The following ANK2 variants were observed in gnomAD, a reference collection of about 807,000 sequenced individuals.
ANK2 encodes the protein ankyrin-2.
ANK2 carries 83 observed loss-of-function variants against 360.5 expected under a neutral mutation model. The ratio of observed to expected loss-of-function variants is 0.23; its 90% confidence interval spans 0.19 to 0.28. The LOEUF (loss-of-function observed/expected upper bound fraction) is 0.28. Among genes scored for constraint, ANK2 ranks in the 10% least tolerant of loss-of-function variants. The probability of loss-of-function intolerance (pLI) is 1.00; values close to 1 mark genes in which losing one functional copy is unlikely to be tolerated. For synonymous variants in ANK2, 1,740 were observed against 1,759.5 expected (o/e 0.99, Z 0.28); for missense variants, 4,201 against 4,795.7 (o/e 0.88, Z 3.66).
chr4:113,247,570 C>T (rs1269011609), intron 9 of ANK2, among the ~76,000 whole-genome samples: 3 of 152,194 alleles, frequency 2.0e-5, no homozygotes, highest in Admixed American at 2.0e-4. Flanking sequence ...ATGCAATTTG[C>T]AGAAAGCAAT....
intron 2 of ANK2, among the ~76,000 whole-genome samples, chr4:112,958,000 G>C (rs1380335901): frequency 2.7e-5 from 4 of 150,594 alleles, no homozygotes; most frequent in African/African-American, 9.8e-5. Context: ...GACGATGGGC[G>C]GCGGGGCAGA....
At chr4:113,124,334 G>A (rs1424590546) in intron 1 of ANK2, among the ~76,000 whole-genome samples, 1 of 152,116 alleles carries the variant, frequency 6.6e-6, no homozygotes, top group African/African-American at 2.4e-5. Context: ...ACTTGACTTT[G>A]ATAGATCTTT....
chr4:112,813,379 A>G (rs2055439671), upstream of ANK2, among the ~76,000 whole-genome samples: 1 of 152,156 alleles, frequency 6.6e-6, no homozygotes, highest in Non-Finnish European at 1.5e-5. Context: ...CAAACAATGA[A>G]GCTCAACAGA....
At chr4:113,221,826 T>C (rs1448538421) in intron 4 of ANK2, among the ~76,000 whole-genome samples, 1 of 152,222 alleles carries the variant, frequency 6.6e-6, no homozygotes, top group Admixed American at 6.5e-5. Flanking sequence ...GCTTTCTTGG[T>C]AATTTATCCA....
chr4:113,009,114 T>C (rs898583432), intron 2 of ANK2, among the ~76,000 whole-genome samples: 2 of 152,222 alleles, frequency 1.3e-5, no homozygotes, highest in African/African-American at 4.8e-5. Context: ...ATTATAAACA[T>C]GCAGACAAAG....
chr4:113,281,291 A>T (rs1254336957), intron 17 of ANK2, among the ~76,000 whole-genome samples: 1 of 152,118 alleles, frequency 6.6e-6, no homozygotes, highest in Non-Finnish European at 1.5e-5. Context: ...TAATCCCAGC[A>T]CTTTAGGGGG....
chr4:113,000,533 C>T (rs7656714), intron 2 of ANK2, among the ~76,000 whole-genome samples: 53,722 of 151,950 alleles, frequency 0.35, 9,931 homozygotes, highest in East Asian at 0.52. Flanking sequence ...CCAGTGTTTC[C>T]CCCATTTTAC....
chr4:112,761,929 C>T, the ANK2 span, among the ~76,000 whole-genome samples: 1 of 152,246 alleles, frequency 6.6e-6, no homozygotes, highest in African/African-American at 2.4e-5. Flanking sequence ...CATCTAACTG[C>T]ATTGGCTACA....
chr4:113,072,827 A>G lies in ANK2; in HGVS notation c.84+23015A>G, dbSNP rs192280779. On this transcript the variant is annotated intron_variant, in intron 1 of 45. Coordinates refer to ENST00000357077, the MANE Select transcript of ANK2 (RefSeq NM_001148.6). ...GTGTTTAGATTGTTTATTGGGTGCT[A>G]TAATTATAGATATTTGAATATTAGA... Among the ~76,000 whole-genome samples, 11 of 137,654 alleles carry G rather than the reference A, an allele frequency of 8.0e-5. No homozygotes were observed. In the East Asian group the frequency reaches 1.9e-3, roughly 24 times the overall value. The allele number at this position is 137,654 out of a possible 152,430, so 90.3% of individuals were successfully genotyped here.
At chr4:112,882,134 A>G (rs1327738132) in intron 1 of ANK2, 1 of 261,566 alleles carries the variant, frequency 3.8e-6, no homozygotes, top group Non-Finnish European at 7.4e-6. Context: ...TCTTTAGGAC[A>G]GGACGGCCCT....
the ANK2 span, among the ~76,000 whole-genome samples, chr4:112,792,491 G>A: frequency 1.4e-3 from 218 of 152,228 alleles, 1 homozygote; most frequent in African/African-American, 5.1e-3. Flanking sequence ...CATGGAATTT[G>A]AATCCTTTTA....
At chr4:113,001,258 G>A (rs1047177980) in intron 2 of ANK2, among the ~76,000 whole-genome samples, 1 of 149,988 alleles carries the variant, frequency 6.7e-6, no homozygotes, top group African/African-American at 2.5e-5. Context: ...TTGAACCTGG[G>A]AGGCGGAGGT....
chr4:113,130,341 C>T (rs1393271543), intron 1 of ANK2, among the ~76,000 whole-genome samples: 1 of 151,928 alleles, frequency 6.6e-6, no homozygotes, highest in African/African-American at 2.4e-5. Context: ...TTTTCTTTGT[C>T]TTTAATATTG....
At chr4:113,316,617 C>A (rs1045764777) in intron 24 of ANK2, among the ~76,000 whole-genome samples, 1 of 152,172 alleles carries the variant, frequency 6.6e-6, no homozygotes, top group South Asian at 2.1e-4. Flanking sequence ...TGAAAGCTTG[C>A]GTATCTCCTT....
chr4:112,841,153 G>T (rs1455140651), intron 1 of ANK2, among the ~76,000 whole-genome samples: 1 of 104,528 alleles, frequency 9.6e-6, no homozygotes. Flanking sequence ...CTTTACAGCA[G>T]ATCTGGTCCT....
At chr4:112,957,915 C>T (rs543652162) in intron 2 of ANK2, among the ~76,000 whole-genome samples, 89 of 151,618 alleles carry the variant, frequency 5.9e-4, no homozygotes, top group African/African-American at 1.9e-3. Context: ...ACCTCCCAGA[C>T]GGGGTCGCGG....
chr4:112,907,355 TTTAGTTCAGGTAC>T (rs2085581779), intron 2 of ANK2, among the ~76,000 whole-genome samples: 1 of 152,226 alleles, frequency 6.6e-6, no homozygotes, highest in Non-Finnish European at 1.5e-5. Flanking sequence ...GAAGGGATCT[TTTAGTTCAGGTAC>T]TTAAATTTTT....
At chr4:112,790,032 A>G in the ANK2 span, among the ~76,000 whole-genome samples, 1 of 152,178 alleles carries the variant, frequency 6.6e-6, no homozygotes, top group Non-Finnish European at 1.5e-5. Flanking sequence ...TTTTGGAAGC[A>G]GCATTAGAGA....
chr4:113,254,417 G>A (rs1028029800), intron 10 of ANK2, among the ~76,000 whole-genome samples: 2 of 152,034 alleles, frequency 1.3e-5, no homozygotes, highest in South Asian at 2.1e-4. Context: ...TATTTTCCAC[G>A]TAAATAACCT....
Sources: allele counts gnomAD v4.1 joint callset (sites outside exome capture counted in the v4.1 genomes callset), GRCh38; gene constraint gnomAD v4.1.1; transcripts MANE v1.5; gene names NCBI Gene and HGNC (gene_info 2026-07-23, HGNC 2026-07-21).